Variants in FLRT2 observed in about 807,000 individuals in gnomAD.
The protein encoded by FLRT2 is fibronectin leucine rich transmembrane protein 2.
FLRT2 carries 15 observed loss-of-function variants against 40.0 expected under a neutral mutation model. That is an observed-to-expected ratio of 0.38 (90% CI 0.25 to 0.58). FLRT2 has a LOEUF of 0.58. FLRT2 is among the 20% of genes least tolerant of loss of function. The pLI is 0.71. For missense variants in FLRT2, 726 were observed against 840.0 expected (o/e 0.86, Z 1.68); for synonymous variants, 380 against 336.8 (o/e 1.13, Z -1.41).
At position 85,640,265 on chromosome 14, in the gene FLRT2, A is replaced by C. The variant is rs1429579983; in HGVS notation, c.*16768A>C. On this transcript the variant is annotated 3_prime_UTR_variant, in exon 2 of 2. Coordinates refer to ENST00000330753, the MANE Select transcript of FLRT2 (RefSeq NM_013231.6). ...AGCAAAGGAAATCTGGAAATGGCCA[A>C]CCTGAATACTTTATTTCCAAAACTG... 1 of 152,226 alleles carries C rather than the reference A, an allele frequency of 6.6e-6. No individual in the cohort carries two copies. Among genetic ancestry groups the C allele is most frequent in the African/African-American group, 2.4e-5 (1 of 41,462 alleles). 9.4% of individuals were successfully genotyped at this position (152,226 alleles called of 1,614,324 possible).
intron 1 of FLRT2, among the ~76,000 whole-genome samples, chr14:85,607,154 G>T (rs553138222): frequency 6.6e-6 from 1 of 152,022 alleles, no homozygotes; most frequent in Admixed American, 6.5e-5. Context: ...GGTTATAGAT[G>T]ATTGCGTTTT....
rs1426439532 is a variant in FLRT2 at position 85,578,162 on chromosome 14, T to TATATATATATTTA, written c.-376-42977_-376-42976insATATATATATTTA. Among the ~76,000 whole-genome samples the TATATATATATTTA allele has an allele frequency of 6.4e-5, 9 of 140,876 alleles. No homozygotes were observed. The South Asian group carries it at 6.9e-4, about 11-fold the overall frequency. 92.4% of individuals were successfully genotyped at this position (140,876 alleles called of 152,430 possible). A position where few individuals can be genotyped will look rare whatever the true frequency, so the allele number is the denominator to read the frequency against. ...TATATTTATATATATAAAAATATCT[T>TATATATATATTTA]TATATATAAAAATATCTTTATATAT... On this transcript the variant is annotated intron_variant, in intron 1 of 1. Coordinates refer to ENST00000330753, the MANE Select transcript of FLRT2 (RefSeq NM_013231.6).
At chr14:85,596,646 C>CT (rs943140495) in intron 1 of FLRT2, among the ~76,000 whole-genome samples, 2 of 152,018 alleles carry the variant, frequency 1.3e-5, no homozygotes, top group East Asian at 1.9e-4. Flanking sequence ...TTGCTAAAGA[C>CT]TTTTTTAAAA....
In FLRT2 at chr14:85,646,186, C is replaced by A. The variant is rs1894299655; in HGVS notation, c.*22689C>A. ...ATCATTCACCACAAGTTGCCTGAAG[C>A]AACCAGCCTTTAAAATACTATAATG... On this transcript the variant is annotated 3_prime_UTR_variant, in exon 2 of 2. Coordinates refer to ENST00000330753, the MANE Select transcript of FLRT2 (RefSeq NM_013231.6). 1 of 152,172 alleles carries A rather than the reference C, an allele frequency of 6.6e-6. No individual in the cohort carries two copies. Among genetic ancestry groups the A allele is most frequent in the Non-Finnish European group, 1.5e-5 (1 of 68,042 alleles). 9.4% of individuals were successfully genotyped at this position (152,172 alleles called of 1,614,324 possible).
chr14:85,589,724 G>A (rs12896539), intron 1 of FLRT2, among the ~76,000 whole-genome samples: 87,046 of 151,928 alleles, frequency 0.57, 25,961 homozygotes, highest in Non-Finnish European at 0.68. Context: ...GTTTTCTTAT[G>A]GTAGTTTAAT....
intron 1 of FLRT2, among the ~76,000 whole-genome samples, chr14:85,532,168 C>G (rs1888325661): frequency 6.6e-6 from 1 of 152,164 alleles, no homozygotes; most frequent in African/African-American, 2.4e-5. Context: ...CCCACTTAAA[C>G]TCTTCTGCGG....
chr14:85,567,918 G>A (rs115766640), intron 1 of FLRT2, among the ~76,000 whole-genome samples: 3,249 of 152,046 alleles, frequency 0.021, 116 homozygotes, highest in African/African-American at 0.072. Flanking sequence ...GATTATAAGC[G>A]TGAGCCACCG....
In FLRT2 at chr14:85,624,827, T is replaced by G. The variant is rs1893603650; in HGVS notation, c.*1330T>G. The G allele has an allele frequency of 6.0e-6, 1 of 167,052 alleles. No homozygotes were observed. The highest frequency in any genetic ancestry group is 2.1e-4 in the South Asian group (1 of 4,830). The allele number at this position is 167,052 out of a possible 1,614,324, so 10.3% of individuals were successfully genotyped here. On this transcript the variant is annotated 3_prime_UTR_variant, in exon 2 of 2. Coordinates refer to ENST00000330753, the MANE Select transcript of FLRT2 (RefSeq NM_013231.6). ...TAATTCTGTAAGGACACATCAAAGC[T>G]GGCCAAAATAATGAATTTTTTTTAA...
chr14:85,621,245 G>A lies in FLRT2; in HGVS notation c.-270G>A, dbSNP rs191931111. 7 of 486,284 alleles carry A rather than the reference G, an allele frequency of 1.4e-5. No homozygotes were observed. The highest frequency in any genetic ancestry group is 1.3e-4 in the East Asian group (4 of 30,668). 30.1% of individuals were successfully genotyped at this position (486,284 alleles called of 1,614,324 possible). On this transcript the variant is annotated 5_prime_UTR_variant, in exon 2 of 2. Transcript: ENST00000330753. ...GCCCACTTGGGCTTGTGTTGACACG[G>A]CTGATAACTTGCCATCACCTGTTGC... is the stretch of plus-strand genomic sequence containing the variant.
intron 1 of FLRT2, among the ~76,000 whole-genome samples, chr14:85,560,473 G>C (rs1890235912): frequency 6.6e-6 from 1 of 152,084 alleles, no homozygotes; most frequent in Admixed American, 6.6e-5. Flanking sequence ...TACTTGGGAA[G>C]CTGAAGGAGG....
At chr14:85,563,720 G>C (rs941920988) in intron 1 of FLRT2, among the ~76,000 whole-genome samples, 1 of 151,982 alleles carries the variant, frequency 6.6e-6, no homozygotes, top group Admixed American at 6.6e-5. Context: ...ATTTGGGTGC[G>C]GACACAGCAA....
rs1243197357 is a variant in FLRT2, at chr14:85,627,257, A to G, written c.*3760A>G. On this transcript the variant is annotated 3_prime_UTR_variant, in exon 2 of 2. Transcript: ENST00000330753. ...AATGGAAAAAAGATACTCACACAGA[A>G]CAAAACAGTTCTTGGTCTTGTTCTT... 6.0e-6 allele frequency: 1 copy of G among 167,090 alleles called. No individual in the cohort carries two copies. Among genetic ancestry groups the G allele is most frequent in the African/African-American group, 2.4e-5 (1 of 41,462 alleles). 10.4% of individuals were successfully genotyped at this position (167,090 alleles called of 1,614,324 possible). A position where few individuals can be genotyped will look rare whatever the true frequency, so the allele number is the denominator to read the frequency against.
At chr14:85,582,550 T>G (rs1595052390) in intron 1 of FLRT2, among the ~76,000 whole-genome samples, 1 of 152,106 alleles carries the variant, frequency 6.6e-6, no homozygotes, top group East Asian at 1.9e-4. Context: ...TGGGATCAGT[T>G]TCTTCATCTG....
At chr14:85,568,949 T>C (rs1384457560) in intron 1 of FLRT2, among the ~76,000 whole-genome samples, 1 of 152,146 alleles carries the variant, frequency 6.6e-6, no homozygotes, top group African/African-American at 2.4e-5. Context: ...TCGTCTCCCT[T>C]CTCTTAAGGA....
chr14:85,572,054 C>G (rs758739691), intron 1 of FLRT2, among the ~76,000 whole-genome samples: 5 of 152,202 alleles, frequency 3.3e-5, no homozygotes, highest in Non-Finnish European at 7.3e-5. Flanking sequence ...CCAGCCTAGA[C>G]AGCTATGGCC....
intron 1 of FLRT2, among the ~76,000 whole-genome samples, chr14:85,588,341 G>A (rs1435153256): frequency 1.3e-5 from 2 of 151,868 alleles, no homozygotes; most frequent in Non-Finnish European, 2.9e-5. Context: ...ATTGTCTCTC[G>A]TGGTACCCTC....
rs545773483 is a variant in FLRT2 at position 85,567,789 on chromosome 14, C to T, written c.-377+37255C>T. Among the ~76,000 whole-genome samples the T allele has an allele frequency of 1.0e-3, 154 of 151,856 alleles. 2 individuals are homozygous for T. The South Asian group carries it at 0.028, about 28-fold the overall frequency. On this transcript the variant is annotated intron_variant, in intron 1 of 1. Coordinates refer to ENST00000330753, the MANE Select transcript of FLRT2 (RefSeq NM_013231.6). ...CCGAGTAGCTGGGATTACAGGGGCG[C>T]GCCACCATGGCCGGCTACTTTTTGT... is the stretch of plus-strand genomic sequence containing the variant.
chr14:85,558,129 C>A (rs1229435474), intron 1 of FLRT2, among the ~76,000 whole-genome samples: 2 of 151,992 alleles, frequency 1.3e-5, no homozygotes, highest in African/African-American at 2.4e-5. Flanking sequence ...AGATTGAAGC[C>A]CTCCATGTAT....
intron 1 of FLRT2, among the ~76,000 whole-genome samples, chr14:85,605,996 C>G (rs976567781): frequency 6.6e-6 from 1 of 152,112 alleles, no homozygotes; most frequent in Non-Finnish European, 1.5e-5. Context: ...CTTCCCCCTC[C>G]CCCGCATATA....
Sources: allele counts gnomAD v4.1 joint callset (sites outside exome capture counted in the v4.1 genomes callset), GRCh38; gene constraint gnomAD v4.1.1; transcripts MANE v1.5; gene names NCBI Gene and HGNC (gene_info 2026-07-23, HGNC 2026-07-21).